The following PLCXD3 variants were observed in gnomAD, a reference collection of about 807,000 sequenced individuals.
PLCXD3 encodes phosphatidylinositol specific phospholipase C X domain containing 3.
PLCXD3 carries 19 observed loss-of-function variants against 25.5 expected under a neutral mutation model. The ratio of observed to expected loss-of-function variants is 0.75; its 90% CI spans 0.52 to 1.09. PLCXD3 has a LOEUF of 1.09. Ranked by LOEUF, PLCXD3 falls within the 50% of genes least tolerant of loss-of-function variation. PLCXD3 has a pLI of 0.00. For synonymous variants in PLCXD3, 174 were observed against 137.6 expected (o/e 1.26, Z -1.85); for missense variants, 411 against 388.1 (o/e 1.06, Z -0.50).
chr5:41,323,420 T>A (rs1204860550), intron 2 of PLCXD3, among the ~76,000 whole-genome samples: 1 of 152,224 alleles, frequency 6.6e-6, no homozygotes, highest in Non-Finnish European at 1.5e-5. Flanking sequence ...GATACCCCAT[T>A]CTTCACAGTA....
intron 1 of PLCXD3, among the ~76,000 whole-genome samples, chr5:41,465,374 T>TTTTTTTTTTTTTTTTTTA: frequency 7.1e-6 from 1 of 141,660 alleles, no homozygotes; most frequent in Non-Finnish European, 1.5e-5. Flanking sequence ...TTTTTTTTTT[T>TTTTTTTTTTTTTTTTTTA]TTTTTTTTTT....
intron 2 of PLCXD3, among the ~76,000 whole-genome samples, chr5:41,338,176 A>G (rs888320490): frequency 6.6e-6 from 1 of 152,180 alleles, no homozygotes; most frequent in African/African-American, 2.4e-5. Flanking sequence ...TTCTCTACAA[A>G]AAATGTTTCC....
At chr5:41,495,496 C>T (rs1748814634) in intron 1 of PLCXD3, among the ~76,000 whole-genome samples, 1 of 152,142 alleles carries the variant, frequency 6.6e-6, no homozygotes, top group African/African-American at 2.4e-5. Context: ...TTCTGAATAT[C>T]CTGGCTTTGG....
chr5:41,481,856 C>A (rs930422643), intron 1 of PLCXD3, among the ~76,000 whole-genome samples: 2 of 152,176 alleles, frequency 1.3e-5, no homozygotes, highest in Non-Finnish European at 2.9e-5. Flanking sequence ...CCCTGTGAAA[C>A]GTGAATTAGG....
rs70988847 is a variant in PLCXD3, at chr5:41,446,176, C to CAAAAAAA, written c.104-63649_104-63643dup. Reference sequence around the variant, plus strand: ...TGGGCGACGGAGCCAGACTCCTTCTCAAAAAAAAAAAAAAAAAAAAAAAAA... The same window carrying CAAAAAAA: ...TGGGCGACGGAGCCAGACTCCTTCTCAAAAAAAAAAAAAAAAAAAAAAAAAAAAAAAA... On this transcript the variant is annotated intron_variant, in intron 1 of 2. Transcript: ENST00000377801. Among the ~76,000 whole-genome samples, 212 of 38,110 alleles carry CAAAAAAA rather than the reference C, an allele frequency of 5.6e-3. 26 individuals carry two copies. The highest frequency in any genetic ancestry group is 8.8e-3 in the Non-Finnish European group (174 of 19,882). The allele number at this position is 38,110 out of a possible 152,430, so 25.0% of individuals were successfully genotyped here. A position where few individuals can be genotyped will look rare whatever the true frequency, so the allele number is the denominator to read the frequency against.
intron 1 of PLCXD3, among the ~76,000 whole-genome samples, chr5:41,493,197 T>TCCAGACCCTGTTTG (rs1412361352): frequency 6.6e-6 from 1 of 152,190 alleles, no homozygotes; most frequent in Non-Finnish European, 1.5e-5. Context: ...GGAGGTCCAC[T>TCCAGACCCTGTTTG]CCAGACCCTG....
intron 1 of PLCXD3, among the ~76,000 whole-genome samples, chr5:41,495,355 C>T (rs1483529295): frequency 2.0e-5 from 3 of 152,200 alleles, no homozygotes; most frequent in Non-Finnish European, 4.4e-5. Flanking sequence ...CAACTTGCTG[C>T]CCCTCCAGAG....
At chr5:41,494,478 T>C (rs111892125) in intron 1 of PLCXD3, among the ~76,000 whole-genome samples, 2,153 of 152,246 alleles carry the variant, frequency 0.014, 53 homozygotes, top group African/African-American at 0.049. Context: ...GGTTTTAGGA[T>C]TTAAGTAAAA....
At chr5:41,316,660 TC>T (rs145327442) in intron 2 of PLCXD3, among the ~76,000 whole-genome samples, 108 of 152,234 alleles carry the variant, frequency 7.1e-4, no homozygotes, top group African/African-American at 2.4e-3. Flanking sequence ...CTAGGCAGCA[TC>T]CACCAGAAGC....
rs185555682 is a variant in PLCXD3, at chr5:41,382,646, T to A, written c.104-112A>T. ...CCCTCAAATGAGCCACAGAAAATAC[T>A]AAGAAATGTAATACTAGTTATTTTT... On this transcript the variant is annotated intron_variant, in intron 1 of 2. Transcript: ENST00000377801. 9.1e-5 allele frequency: 73 copies of A among 800,010 alleles called. 1 individual carries two copies. The East Asian group carries it at 1.8e-3, about 19-fold the overall frequency. The allele number at this position is 800,010 out of a possible 1,614,324, so 49.6% of individuals were successfully genotyped here.
rs147234921 is a variant in PLCXD3, at chr5:41,441,183, C to A, written c.104-58649G>T. ...AAAAGACAGCAACCTGAAAAGACAG[C>A]AAACCTGAAAATACAGTCTTAAGAA... On this transcript the variant is annotated intron_variant, in intron 1 of 2. Coordinates refer to ENST00000377801, the MANE Select transcript of PLCXD3 (RefSeq NM_001005473.3). 6.1e-4 allele frequency among the ~76,000 whole-genome samples: 93 copies of A among 152,274 alleles called. 1 individual carries two copies. The highest frequency in any genetic ancestry group is 2.0e-3 in the African/African-American group (85 of 41,548).
chr5:41,410,430 G>A (rs187227043), intron 1 of PLCXD3, among the ~76,000 whole-genome samples: 34 of 151,892 alleles, frequency 2.2e-4, no homozygotes, highest in African/African-American at 7.5e-4. Context: ...GGTGTGAGCC[G>A]CTGTGCCCGT....
rs570887896 is a variant in PLCXD3, at chr5:41,485,733, C to T, written c.103+24691G>A. ...ACAAACTATATCTGGTTATGCAGCC[C>T]GGTATGCATTACACATTTTCGCTGC... On this transcript the variant is annotated intron_variant, in intron 1 of 2. Coordinates refer to ENST00000377801, the MANE Select transcript of PLCXD3 (RefSeq NM_001005473.3). 1.8e-3 allele frequency among the ~76,000 whole-genome samples: 271 copies of T among 152,240 alleles called. 1 individual carries two copies. The highest frequency in any genetic ancestry group is 5.9e-3 in the African/African-American group (245 of 41,544).
intron 1 of PLCXD3, among the ~76,000 whole-genome samples, chr5:41,418,357 C>T (rs1214839910): frequency 6.6e-6 from 1 of 151,998 alleles, no homozygotes; most frequent in Non-Finnish European, 1.5e-5. Context: ...ACACACAGAC[C>T]CACACACCCT....
chr5:41,505,199 T>C (rs1749029118), intron 1 of PLCXD3, among the ~76,000 whole-genome samples: 1 of 152,010 alleles, frequency 6.6e-6, no homozygotes, highest in African/African-American at 2.4e-5. Flanking sequence ...ATTTAAGCAA[T>C]TGGAGAGCTG....
intron 1 of PLCXD3, among the ~76,000 whole-genome samples, chr5:41,498,446 A>G (rs957347068): frequency 4.6e-5 from 7 of 151,758 alleles, no homozygotes; most frequent in African/African-American, 1.7e-4. Context: ...TTAGAAACAT[A>G]CAACCTGTTG....
intron 1 of PLCXD3, among the ~76,000 whole-genome samples, chr5:41,474,245 G>A (rs1296617488): frequency 6.6e-6 from 1 of 152,146 alleles, no homozygotes; most frequent in African/African-American, 2.4e-5. Flanking sequence ...GTAACTGGTA[G>A]GCTTCTTAAT....
chr5:41,485,215 A>T (rs1343341835), intron 1 of PLCXD3, among the ~76,000 whole-genome samples: 1 of 152,204 alleles, frequency 6.6e-6, no homozygotes, highest in Non-Finnish European at 1.5e-5. Flanking sequence ...GCCAAGTAAC[A>T]CACCCAAAAT....
chr5:41,489,966 A>G (rs1748618326), intron 1 of PLCXD3, among the ~76,000 whole-genome samples: 1 of 151,924 alleles, frequency 6.6e-6, no homozygotes, highest in Non-Finnish European at 1.5e-5. Context: ...AACTTCCAAC[A>G]CTATGTTGAA....
Sources: gnomAD v4.1 joint callset for allele counts (sites outside exome capture counted in the v4.1 genomes callset) on GRCh38, gnomAD v4.1.1 for gene constraint, MANE v1.5 for transcripts, NCBI Gene and HGNC (gene_info 2026-07-23, HGNC 2026-07-21) for gene names.